DOCK8: variants seen among roughly 807,000 people sequenced by gnomAD.
The protein encoded by DOCK8 is dedicator of cytokinesis protein 8.
A neutral mutation model predicts 245.6 loss-of-function variants in DOCK8; 141 were observed. The ratio of observed to expected loss-of-function variants is 0.57; its 90% CI spans 0.50 to 0.66. The LOEUF (loss-of-function observed/expected upper bound fraction) is 0.66. Among genes scored for constraint, DOCK8 ranks in the 30% least tolerant of loss-of-function variants. DOCK8 has a pLI of 0.00. For missense variants in DOCK8, 2,965 were observed against 2,603.4 expected (o/e 1.14, Z -3.02); for synonymous variants, 1,168 against 970.2 (o/e 1.20, Z -3.79).
At chr9:420,030 C>G (rs1328413528) in intron 30 of DOCK8, 1 of 328,246 alleles carries the variant, frequency 3.0e-6, no homozygotes, top group Non-Finnish European at 5.9e-6. Context: ...AGGAGAAATA[C>G]TTGGAGATCT....
chr9:300,717 C>G (rs937368592), intron 4 of DOCK8, among the ~76,000 whole-genome samples: 7 of 152,028 alleles, frequency 4.6e-5, no homozygotes, highest in Non-Finnish European at 1.0e-4. Flanking sequence ...GTTATAAATA[C>G]CCCTATGCAC....
chr9:292,556 T>G (rs1199078969), intron 4 of DOCK8, among the ~76,000 whole-genome samples: 11 of 152,006 alleles, frequency 7.2e-5, no homozygotes, highest in African/African-American at 2.4e-4. Flanking sequence ...TATATATTTC[T>G]TGGCCATTTT....
chr9:310,561 C>T (rs181789939), intron 5 of DOCK8, among the ~76,000 whole-genome samples: 64 of 152,272 alleles, frequency 4.2e-4, no homozygotes, highest in Admixed American at 1.5e-3. Flanking sequence ...CGGGTTCAAG[C>T]GATTCTCCTG....
chr9:302,462 C>T (rs1374796779), intron 4 of DOCK8, among the ~76,000 whole-genome samples: 1 of 152,028 alleles, frequency 6.6e-6, no homozygotes, highest in African/African-American at 2.4e-5. Context: ...TGAATAAGTC[C>T]CCAAAAGCAA....
intron 1 of DOCK8, among the ~76,000 whole-genome samples, chr9:219,694 C>T (rs1198532364): frequency 6.6e-6 from 1 of 151,860 alleles, no homozygotes; most frequent in Non-Finnish European, 1.5e-5. Flanking sequence ...CCCAGGAGTT[C>T]GAGACCAGCC....
At chr9:385,279 T>C (rs1255877194) in intron 22 of DOCK8, among the ~76,000 whole-genome samples, 1 of 152,130 alleles carries the variant, frequency 6.6e-6, no homozygotes, top group Admixed American at 6.5e-5. Context: ...GAGTCGTTCG[T>C]GTTTAGTTAA....
intron 28 of DOCK8, among the ~76,000 whole-genome samples, chr9:413,371 C>T (rs1049087479): frequency 1.3e-5 from 2 of 152,006 alleles, no homozygotes; most frequent in South Asian, 4.1e-4. Context: ...ATATGACACA[C>T]TCGAAAGTAT....
intron 33 of DOCK8, among the ~76,000 whole-genome samples, chr9:424,789 T>A (rs766534737): frequency 1.3e-5 from 2 of 152,236 alleles, no homozygotes; most frequent in African/African-American, 2.4e-5. Flanking sequence ...TACTGAACTG[T>A]ATACTTACAA....
chr9:447,973 C>T lies in DOCK8; in HGVS notation c.5817+1367C>T, dbSNP rs529115693. On this transcript the variant is annotated intron_variant, in intron 44 of 47. Transcript: ENST00000432829. ...GAACACTGAGACATTCTAGGCATAA[C>T]ACAGATATAAACTCATGGTGCCCAA... Among the ~76,000 whole-genome samples the T allele has an allele frequency of 5.3e-5, 8 of 152,336 alleles. No homozygotes were observed. The South Asian group carries it at 1.7e-3, about 32-fold the overall frequency.
At chr9:227,921 T>C (rs772040642) in intron 1 of DOCK8, among the ~76,000 whole-genome samples, 1 of 152,008 alleles carries the variant, frequency 6.6e-6, no homozygotes, top group Non-Finnish European at 1.5e-5. Context: ...AAAAGAGAGC[T>C]AGGAGGGTAG....
At chr9:441,159 C>T in intron 40 of DOCK8, 127 bp from the exon 41 acceptor site, 1 of 1,410,682 alleles carries the variant, frequency 7.1e-7, no homozygotes, top group South Asian at 1.2e-5. Flanking sequence ...CCTTCTTGCC[C>T]TGTGAAATAC....
chr9:218,373 A>G (rs2131326701), intron 1 of DOCK8, among the ~76,000 whole-genome samples: 2 of 152,358 alleles, frequency 1.3e-5, no homozygotes, highest in South Asian at 4.1e-4. Context: ...AGGAGTGAGC[A>G]GACTATCTCA....
At chr9:422,781 T>C (rs2056326908) in intron 33 of DOCK8, among the ~76,000 whole-genome samples, 1 of 152,140 alleles carries the variant, frequency 6.6e-6, no homozygotes, top group Non-Finnish European at 1.5e-5. Context: ...GGTCAGTAGT[T>C]CGAGACTAGC....
chr9:308,973 T>C (rs900345755), intron 5 of DOCK8, among the ~76,000 whole-genome samples: 1 of 152,190 alleles, frequency 6.6e-6, no homozygotes, highest in African/African-American at 2.4e-5. Context: ...TTTCTTTTAA[T>C]GGCTACATAA....
intron 1 of DOCK8, among the ~76,000 whole-genome samples, chr9:231,149 T>G (rs944882450): frequency 2.0e-5 from 3 of 151,674 alleles, no homozygotes; most frequent in Non-Finnish European, 2.9e-5. Flanking sequence ...CACCATTTAT[T>G]AAATAGGGAA....
At chr9:409,805 C>G (rs2055631765) in intron 28 of DOCK8, among the ~76,000 whole-genome samples, 1 of 150,530 alleles carries the variant, frequency 6.6e-6, no homozygotes, top group Non-Finnish European at 1.5e-5. Context: ...GTTTGGTTTT[C>G]TGTCCTTGCG....
At chr9:296,576 T>G (rs912888510) in intron 4 of DOCK8, among the ~76,000 whole-genome samples, 5 of 152,210 alleles carry the variant, frequency 3.3e-5, no homozygotes, top group African/African-American at 1.2e-4. Flanking sequence ...TTACTCCATA[T>G]TTTACTCCCA....
At position 299,147 on chromosome 9, in the gene DOCK8, C is replaced by T. The variant is rs181311505; in HGVS notation, c.405-5434C>T. ...TGAGTTGGTTTTTGTCCCCTGACCCCCAGCCAGGATGTTAGATCACACAGA... is the reference window on the plus strand; with the variant it reads ...TGAGTTGGTTTTTGTCCCCTGACCCTCAGCCAGGATGTTAGATCACACAGA... On this transcript the variant is annotated intron_variant, in intron 4 of 47. Coordinates refer to ENST00000432829, the MANE Select transcript of DOCK8 (RefSeq NM_203447.4). Among the ~76,000 whole-genome samples, 883 of 152,196 alleles carry T rather than the reference C, an allele frequency of 5.8e-3. 4 individuals carry two copies. The highest frequency in any genetic ancestry group is 0.037 in the Middle Eastern group (11 of 294).
intron 3 of DOCK8, among the ~76,000 whole-genome samples, chr9:289,003 A>G (rs998116461): frequency 6.6e-5 from 10 of 152,334 alleles, no homozygotes; most frequent in Non-Finnish European, 1.2e-4. Context: ...CCTTAAGTAG[A>G]CATGACAGGA....
Sources: allele counts gnomAD v4.1 joint callset (sites outside exome capture counted in the v4.1 genomes callset), GRCh38; gene constraint gnomAD v4.1.1; transcripts MANE v1.5; gene names NCBI Gene and HGNC (gene_info 2026-07-23, HGNC 2026-07-21).